SPATA6: variants seen among roughly 807,000 people sequenced by gnomAD.
The protein encoded by SPATA6 is spermatogenesis-associated protein 6.
In SPATA6, 56 loss-of-function variants were observed where a neutral mutation model predicts 65.3. That is an observed-to-expected ratio of 0.86 (90% confidence interval 0.69 to 1.07). SPATA6 has a LOEUF of 1.07. SPATA6 is among the 50% of genes least tolerant of loss of function. SPATA6 has a pLI of 0.00. For synonymous variants in SPATA6, 199 were observed against 213.2 expected (o/e 0.93, Z 0.58); for missense variants, 590 against 594.8 (o/e 0.99, Z 0.08).
intron 3 of SPATA6, among the ~76,000 whole-genome samples, chr1:48,434,338 AAAT>A: frequency 6.6e-6 from 1 of 151,972 alleles, no homozygotes; most frequent in East Asian, 1.9e-4. Flanking sequence ...ATTTAAAAAT[AAAT>A]AATATGTCAG....
At position 48,367,087 on chromosome 1, in the gene SPATA6, T is replaced by C. The variant is rs1557622253; in HGVS notation, c.910-7317A>G. Among the ~76,000 whole-genome samples the C allele has an allele frequency of 2.6e-5, 4 of 152,218 alleles. No homozygotes were observed. The East Asian group carries it at 7.7e-4, about 29-fold the overall frequency. ...TCATTCAGGAGCAGGTTGTTCAGTT[T>C]CCATGTAGTTGAGTGGTTTTGAGTG... On this transcript the variant is annotated intron_variant, in intron 9 of 12. Transcript: ENST00000371847.
At chr1:48,384,350 C>CAGGGACAGGGAG (rs1557647537) in intron 9 of SPATA6, among the ~76,000 whole-genome samples, 18 of 21,448 alleles carry the variant, frequency 8.4e-4, no homozygotes, top group African/African-American at 1.3e-3. Flanking sequence ...GGGACAGGGA[C>CAGGGACAGGGAG]AGGGAGAGGG....
intron 9 of SPATA6, among the ~76,000 whole-genome samples, chr1:48,384,418 G>C (rs1465019418): frequency 3.2e-4 from 30 of 92,386 alleles, no homozygotes; most frequent in Non-Finnish European, 2.7e-4. Context: ...GAGAGGGAGA[G>C]GGAGAGGGGT....
chr1:48,264,582 T>C, the SPATA6 span, among the ~76,000 whole-genome samples: 2 of 152,160 alleles, frequency 1.3e-5, no homozygotes, highest in African/African-American at 4.8e-5. Context: ...TGTTTTCTCA[T>C]TGTTCAACTC....
chr1:48,371,440 A>G (rs921576809), intron 9 of SPATA6, among the ~76,000 whole-genome samples: 2 of 152,252 alleles, frequency 1.3e-5, no homozygotes, highest in Admixed American at 1.3e-4. Context: ...GGAAATTTAT[A>G]GATGATCCTA....
At chr1:48,367,742 CTT>C in intron 9 of SPATA6, among the ~76,000 whole-genome samples, 1 of 152,176 alleles carries the variant, frequency 6.6e-6, no homozygotes, top group Non-Finnish European at 1.5e-5. Context: ...GGTCTTGACT[CTT>C]TATCCAATTT....
rs200660127 is a variant in SPATA6 at position 48,355,773 on chromosome 1, T to C, written c.1095-4A>G. ...TGAACACCAATCAGAATGAAATCTG[T>C]AGGCAAAAAATAAGTTTTATTTTTG... is the stretch of plus-strand genomic sequence containing the variant. On this transcript the variant is annotated splice_region_variant and splice_polypyrimidine_tract_variant and intron_variant, in intron 10 of 12. Coordinates refer to ENST00000371847, the MANE Select transcript of SPATA6 (RefSeq NM_019073.4). 84 of 1,607,100 alleles carry C rather than the reference T, an allele frequency of 5.2e-5. No individual in the cohort carries two copies. In the Middle Eastern group the frequency reaches 1.2e-3, roughly 22 times the overall value.
downstream of SPATA6, among the ~76,000 whole-genome samples, chr1:48,290,871 G>A (rs1302422810): frequency 6.6e-6 from 1 of 152,082 alleles, no homozygotes; most frequent in Non-Finnish European, 1.5e-5. Context: ...CCTACAAAGA[G>A]ACTTAGACTC....
intron 3 of SPATA6, among the ~76,000 whole-genome samples, chr1:48,430,044 G>A (rs1654255322): frequency 6.6e-6 from 1 of 151,964 alleles, no homozygotes; most frequent in South Asian, 2.1e-4. Flanking sequence ...CCATGAAGGA[G>A]GAAAGAGAGA....
At chr1:48,323,311 C>A (rs775766254) in intron 11 of SPATA6, among the ~76,000 whole-genome samples, 1 of 151,330 alleles carries the variant, frequency 6.6e-6, no homozygotes, top group African/African-American at 2.4e-5. Flanking sequence ...AGTAAAATAA[C>A]ACAAGAAGAG....
chr1:48,398,218 T>C (rs1007225220), intron 7 of SPATA6, among the ~76,000 whole-genome samples: 1 of 150,788 alleles, frequency 6.6e-6, no homozygotes, highest in African/African-American at 2.4e-5. Flanking sequence ...ATAACTTCAA[T>C]AAAATGTTGC....
At chr1:48,339,566 G>A (rs1646151070) in intron 11 of SPATA6, among the ~76,000 whole-genome samples, 1 of 151,626 alleles carries the variant, frequency 6.6e-6, no homozygotes, top group South Asian at 2.1e-4. Flanking sequence ...TGGAAAAATT[G>A]GTATCTATAA....
At chr1:48,290,618 C>A (rs969553130), downstream of SPATA6, among the ~76,000 whole-genome samples, 5 of 151,968 alleles carry the variant, frequency 3.3e-5, no homozygotes, top group African/African-American at 9.7e-5. Flanking sequence ...TGTGCAGAGA[C>A]ACACATAGGC....
intron 12 of SPATA6, 123 bp from the exon 13 acceptor site, chr1:48,299,016 A>G: frequency 1.0e-6 from 1 of 965,692 alleles, no homozygotes; most frequent in Non-Finnish European, 1.5e-6. Context: ...GCTGTGAAAA[A>G]TAAAACAGAG....
chr1:48,374,825 T>C (rs1647699599), intron 9 of SPATA6, among the ~76,000 whole-genome samples: 1 of 152,192 alleles, frequency 6.6e-6, no homozygotes, highest in Non-Finnish European at 1.5e-5. Flanking sequence ...AATCCCACAC[T>C]GAAAGCTCTC....
intron 1 of SPATA6, among the ~76,000 whole-genome samples, chr1:48,458,488 T>A (rs1357257880): frequency 1.3e-5 from 2 of 152,172 alleles, no homozygotes; most frequent in African/African-American, 4.8e-5. Flanking sequence ...GGGCAGAGTA[T>A]CCAGGACTTC....
chr1:48,471,527 C>T (rs1658244506), intron 1 of SPATA6, among the ~76,000 whole-genome samples: 1 of 152,142 alleles, frequency 6.6e-6, no homozygotes, highest in African/African-American at 2.4e-5. Context: ...AATGGTGTGC[C>T]TGCAGGGATT....
At chr1:48,302,082 G>A (rs1344107821) in intron 12 of SPATA6, among the ~76,000 whole-genome samples, 1 of 152,116 alleles carries the variant, frequency 6.6e-6, no homozygotes, top group Non-Finnish European at 1.5e-5. Context: ...TTTAGATCTA[G>A]TTGAGATTGC....
At chr1:48,272,625 G>A in the SPATA6 span, among the ~76,000 whole-genome samples, 1 of 152,020 alleles carries the variant, frequency 6.6e-6, no homozygotes, top group Non-Finnish European at 1.5e-5. Flanking sequence ...CTTGGCTATT[G>A]TAATACTGTA....
Sources: allele counts gnomAD v4.1 joint callset (sites outside exome capture counted in the v4.1 genomes callset), GRCh38; gene constraint gnomAD v4.1.1; transcripts MANE v1.5; gene names NCBI Gene and HGNC (gene_info 2026-07-23, HGNC 2026-07-21).